SLCO1B1: variants seen among roughly 807,000 people sequenced by gnomAD.
SLCO1B1 encodes OATP-2.
A neutral mutation model predicts 70.1 loss-of-function variants in SLCO1B1; 81 were observed. That is an observed-to-expected ratio of 1.16 (90% CI 0.97 to 1.39). The LOEUF (loss-of-function observed/expected upper bound fraction) is 1.39. Ranked by LOEUF, SLCO1B1 falls within the 40% of genes most tolerant of loss-of-function variation. The pLI, the probability that SLCO1B1 is intolerant of heterozygous loss-of-function variation, is 0.00. For synonymous variants in SLCO1B1, 283 were observed against 271.5 expected, an observed-to-expected ratio of 1.04 and a Z score of -0.42; for missense variants, 895 against 799.6, an observed-to-expected ratio of 1.12 and a Z score of -1.44.
At chr12:21,200,747 T>C in intron 9 of SLCO1B1, 75 bp downstream of exon 9, 1 of 1,290,484 alleles carries the variant, frequency 7.7e-7, no homozygotes, top group Non-Finnish European at 1.1e-6. Flanking sequence ...GGTATTTTAT[T>C]GTGAAAGTGA....
chr12:21,210,944 T>C (rs377543937), intron 11 of SLCO1B1, among the ~76,000 whole-genome samples: 15 of 151,872 alleles, frequency 9.9e-5, no homozygotes, highest in Middle Eastern at 3.4e-3. Flanking sequence ...TGCTTATCAG[T>C]TTAAGGAGAT....
chr12:21,230,338 TTTTTTTTTG>T lies in SLCO1B1; in HGVS notation c.1865+5500_1865+5508del, dbSNP rs1354890243. On this transcript the variant is annotated intron_variant, in intron 14 of 14. Coordinates refer to ENST00000256958, the MANE Select transcript of SLCO1B1 (RefSeq NM_006446.5). ...CTGTAGTATTCTTTTTTTTTTTTTT[TTTTTTTTTG>T]GAGACATAGTTTTGCTCTTGTTACC... Among the ~76,000 whole-genome samples, 3 of 143,914 alleles carry T rather than the reference TTTTTTTTTG, an allele frequency of 2.1e-5. 1 individual carries two copies. The allele number at this position is 143,914 out of a possible 152,430, so 94.4% of individuals were successfully genotyped here.
rs952012470 is a variant in SLCO1B1, at chr12:21,216,013, G to A, written c.1498-1106G>A. On this transcript the variant is annotated intron_variant, in intron 11 of 14. Coordinates refer to ENST00000256958, the MANE Select transcript of SLCO1B1 (RefSeq NM_006446.5). ...ACATGCTCCCTCTTTGCACACTAGC[G>A]AAGGCCTGAAAGTGATAGAATATTA... Among the ~76,000 whole-genome samples the A allele has an allele frequency of 3.3e-5, 5 of 152,084 alleles. No individual in the cohort carries two copies. The East Asian group carries it at 7.7e-4, about 23-fold the overall frequency.
chr12:21,206,121 A>T lies in SLCO1B1; in HGVS notation c.1497+88A>T, dbSNP rs746051311. The stretch of plus-strand genomic sequence containing the variant: ...TTACCAAATATTTCTGTAACTAAGG[A>T]CTCCATTAAAAAGATAAAAGAGAAA... On this transcript the variant is annotated intron_variant, in intron 11 of 14. Transcript: ENST00000256958. 7 of 1,087,536 alleles carry T rather than the reference A, an allele frequency of 6.4e-6. No individual in the cohort carries two copies. In the South Asian group the frequency reaches 7.7e-5, roughly 12 times the overall value. The allele number at this position is 1,087,536 out of a possible 1,614,324, so 67.4% of individuals were successfully genotyped here.
At chr12:21,213,299 T>C (rs1006929699) in intron 11 of SLCO1B1, among the ~76,000 whole-genome samples, 4 of 152,084 alleles carry the variant, frequency 2.6e-5, no homozygotes, top group African/African-American at 9.7e-5. Flanking sequence ...GTCTGTAAAG[T>C]ATTTTATTTC....
chr12:21,228,981 T>G (rs1308796353), intron 14 of SLCO1B1, among the ~76,000 whole-genome samples: 1 of 151,852 alleles, frequency 6.6e-6, no homozygotes, highest in Non-Finnish European at 1.5e-5. Flanking sequence ...GTTCTTTGCT[T>G]GATTGTGTAA....
At chr12:21,164,528 C>G (rs1484162127) in intron 2 of SLCO1B1, among the ~76,000 whole-genome samples, 1 of 151,870 alleles carries the variant, frequency 6.6e-6, no homozygotes, top group Non-Finnish European at 1.5e-5. Context: ...TTCCTAAGTT[C>G]TTCTTCTTCA....
intron 7 of SLCO1B1, among the ~76,000 whole-genome samples, chr12:21,193,792 T>C (rs1363046294): frequency 6.6e-6 from 1 of 152,076 alleles, no homozygotes; most frequent in Non-Finnish European, 1.5e-5. Flanking sequence ...AAGTCATTGC[T>C]CTTTTTTTTT....
chr12:21,209,870 T>C (rs1941259976), intron 11 of SLCO1B1, among the ~76,000 whole-genome samples: 1 of 152,160 alleles, frequency 6.6e-6, no homozygotes, highest in Admixed American at 6.5e-5. Flanking sequence ...TTGAGAAGTG[T>C]CTGTTCATGT....
intron 14 of SLCO1B1, among the ~76,000 whole-genome samples, chr12:21,227,487 C>T (rs1444167834): frequency 6.6e-6 from 1 of 152,008 alleles, no homozygotes; most frequent in African/African-American, 2.4e-5. Context: ...TCTAAAATCC[C>T]CAGCAGATAA....
At chr12:21,157,277 T>G (rs1940554912) in intron 2 of SLCO1B1, among the ~76,000 whole-genome samples, 1 of 152,042 alleles carries the variant, frequency 6.6e-6, no homozygotes, top group African/African-American at 2.4e-5. Context: ...GGTTCCTGAT[T>G]TAGCCAAGAA....
At position 21,206,352 on chromosome 12, in the gene SLCO1B1, G is replaced by C. The variant is rs371745324; in HGVS notation, c.1497+319G>C. 1.3e-3 allele frequency among the ~76,000 whole-genome samples: 193 copies of C among 151,904 alleles called. 4 individuals carry two copies. In the South Asian group the frequency reaches 0.039, roughly 31 times the overall value. On this transcript the variant is annotated intron_variant, in intron 11 of 14. Coordinates refer to ENST00000256958, the MANE Select transcript of SLCO1B1 (RefSeq NM_006446.5). ...CTAAGAAGCACCTCATTTGACTAAA[G>C]CCTATAATTTTCATTAAGTTGGAAT...
chr12:21,196,173 A>G (rs1941089696), intron 7 of SLCO1B1, among the ~76,000 whole-genome samples: 2 of 152,176 alleles, frequency 1.3e-5, no homozygotes, highest in African/African-American at 2.4e-5. Flanking sequence ...ATCGCTGTAT[A>G]ATTGTTGAAT....
chr12:21,139,486 A>G (rs1316016299), intron 1 of SLCO1B1, among the ~76,000 whole-genome samples: 1 of 152,128 alleles, frequency 6.6e-6, no homozygotes, highest in Non-Finnish European at 1.5e-5. Flanking sequence ...AAGTGATAAT[A>G]TCCTGTTTGT....
chr12:21,201,410 C>T (rs1246949470), intron 9 of SLCO1B1, among the ~76,000 whole-genome samples: 1 of 152,050 alleles, frequency 6.6e-6, no homozygotes, highest in Non-Finnish European at 1.5e-5. Context: ...TTTTGACTCC[C>T]AGTAACCTAG....
intron 14 of SLCO1B1, among the ~76,000 whole-genome samples, chr12:21,226,999 A>T (rs1941489595): frequency 6.6e-6 from 1 of 152,182 alleles, no homozygotes; most frequent in African/African-American, 2.4e-5. Context: ...AAACTCACCC[A>T]AATTGTCAAC....
chr12:21,189,805 G>A (rs959764552), intron 7 of SLCO1B1, among the ~76,000 whole-genome samples: 1 of 151,982 alleles, frequency 6.6e-6, no homozygotes, highest in African/African-American at 2.4e-5. Context: ...ATATATAAGT[G>A]GAATAGTTAA....
intron 2 of SLCO1B1, among the ~76,000 whole-genome samples, chr12:21,142,113 G>A (rs761819116): frequency 1.3e-5 from 2 of 150,686 alleles, no homozygotes; most frequent in Non-Finnish European, 3.0e-5. Flanking sequence ...GTTCTGATAA[G>A]TAATTTAGGC....
chr12:21,218,124 A>G (rs180694240), intron 12 of SLCO1B1, among the ~76,000 whole-genome samples: 60 of 152,294 alleles, frequency 3.9e-4, no homozygotes, highest in Non-Finnish European at 7.6e-4. Flanking sequence ...AGCCAAATGA[A>G]AGGGTTTCCA....
Sources: allele counts gnomAD v4.1 joint callset (sites outside exome capture counted in the v4.1 genomes callset), GRCh38; gene constraint gnomAD v4.1.1; transcripts MANE v1.5; gene names NCBI Gene and HGNC (gene_info 2026-07-23, HGNC 2026-07-21).